RBMS3: variants seen among roughly 807,000 people sequenced by gnomAD.
RBMS3 encodes the protein RNA-binding motif, single-stranded-interacting protein 3.
Under a neutral mutation model 66.8 loss-of-function variants are expected in RBMS3, and 27 were observed. That is an observed-to-expected ratio of 0.40 (90% CI 0.30 to 0.56). The LOEUF (loss-of-function observed/expected upper bound fraction) is 0.56, where lower values mean the gene tolerates loss of function less well. RBMS3 is among the 20% of genes least tolerant of loss of function. The probability of loss-of-function intolerance (pLI) is 0.40; values close to 1 mark genes in which losing one functional copy is unlikely to be tolerated. For missense variants in RBMS3, 513 were observed against 549.5 expected, an observed-to-expected ratio of 0.93 and a Z score of 0.66; for synonymous variants, 188 against 183.0, an observed-to-expected ratio of 1.03 and a Z score of -0.22.
At position 29,837,428 on chromosome 3, in the gene RBMS3, G is replaced by C. The variant is rs2058541083; in HGVS notation, c.638-31430G>C. Among the ~76,000 whole-genome samples, 5 of 151,172 alleles carry C rather than the reference G, an allele frequency of 3.3e-5. No homozygotes were observed. In the South Asian group the frequency reaches 8.4e-4, roughly 25 times the overall value. ...GTTATACATTTAGAACATTTAATCT[G>C]GATTTTTGTACCATTCAGTAAAAGT... On this transcript the variant is annotated intron_variant, in intron 6 of 14. Transcript: ENST00000383767.
intron 6 of RBMS3, among the ~76,000 whole-genome samples, chr3:29,827,743 A>G (rs941904171): frequency 6.6e-6 from 1 of 152,200 alleles, no homozygotes; most frequent in Non-Finnish European, 1.5e-5. Context: ...GGAACAAGTA[A>G]GTTACCTAAG....
chr3:29,793,675 T>A (rs1395709086), intron 6 of RBMS3, among the ~76,000 whole-genome samples: 1 of 152,270 alleles, frequency 6.6e-6, no homozygotes, highest in Non-Finnish European at 1.5e-5. Context: ...GGTAATCAGA[T>A]GAGAATCATG....
intron 6 of RBMS3, among the ~76,000 whole-genome samples, chr3:29,837,315 G>A (rs1452422023): frequency 6.6e-6 from 1 of 151,700 alleles, no homozygotes; most frequent in Non-Finnish European, 1.5e-5. Flanking sequence ...AACCTTATAC[G>A]TAGTCTAGTT....
chr3:29,837,663 CATATATATATATATATATATAT>C lies in RBMS3; in HGVS notation c.638-31172_638-31151del, dbSNP rs3070797. Among the ~76,000 whole-genome samples, 225 of 67,666 alleles carry C rather than the reference CATATATATATATATATATATAT, an allele frequency of 3.3e-3. 1 individual carries two copies. Among genetic ancestry groups the C allele is most frequent in the African/African-American group, 0.01 (187 of 18,652 alleles). The allele number at this position is 67,666 out of a possible 152,430, so 44.4% of individuals were successfully genotyped here. ...ATAATGAACATATATATATAATGAA[CATATATATATATATATATATAT>C]ATATATATATATATATATATATGCT... On this transcript the variant is annotated intron_variant, in intron 6 of 14. Transcript: ENST00000383767.
intron 12 of RBMS3, among the ~76,000 whole-genome samples, chr3:29,945,394 C>T (rs970147281): frequency 6.6e-6 from 1 of 151,526 alleles, no homozygotes; most frequent in Non-Finnish European, 1.5e-5. Flanking sequence ...TAATAATGTC[C>T]CATTGAGGAA....
chr3:29,343,454 T>C (rs1257055254), intron 1 of RBMS3, among the ~76,000 whole-genome samples: 1 of 152,106 alleles, frequency 6.6e-6, no homozygotes, highest in Non-Finnish European at 1.5e-5. Flanking sequence ...AAAATAAACT[T>C]GCTACTTGAA....
chr3:29,474,680 G>T (rs529427358), intron 2 of RBMS3, among the ~76,000 whole-genome samples: 112 of 152,318 alleles, frequency 7.4e-4, no homozygotes, highest in African/African-American at 2.6e-3. Flanking sequence ...ATATAGTAGG[G>T]ACAGTGCTAC....
At chr3:29,486,913 A>G (rs998653448) in intron 2 of RBMS3, among the ~76,000 whole-genome samples, 1 of 152,056 alleles carries the variant, frequency 6.6e-6, no homozygotes, top group South Asian at 2.1e-4. Flanking sequence ...GTTATACCTG[A>G]TCTAATTTTT....
At chr3:29,673,899 T>G (rs538653429) in intron 4 of RBMS3, among the ~76,000 whole-genome samples, 1 of 152,286 alleles carries the variant, frequency 6.6e-6, no homozygotes, top group African/African-American at 2.4e-5. Context: ...CCTAACTCAT[T>G]TTATGAGGCC....
At position 29,928,233 on chromosome 3, in the gene RBMS3, CACAT is replaced by C. The variant is rs1174003868; in HGVS notation, c.940-7851_940-7848del. ...ATATACACACACACACACACACACA[CACAT>C]ATATATGTATATATGCATACATATA... On this transcript the variant is annotated intron_variant, in intron 10 of 14. Coordinates refer to ENST00000383767, the MANE Select transcript of RBMS3 (RefSeq NM_001003793.3). Among the ~76,000 whole-genome samples the C allele has an allele frequency of 3.7e-4, 53 of 144,498 alleles. 1 individual carries two copies. The Middle Eastern group carries it at 0.011, about 30-fold the overall frequency. 94.8% of individuals were successfully genotyped at this position (144,498 alleles called of 152,430 possible).
At chr3:29,545,503 T>C (rs1482919028) in intron 3 of RBMS3, among the ~76,000 whole-genome samples, 1 of 152,168 alleles carries the variant, frequency 6.6e-6, no homozygotes, top group Non-Finnish European at 1.5e-5. Context: ...TCTTACATGT[T>C]GTTAATTTAG....
Position 29,892,839 on chromosome 3 carries a change from G to GTATT in RBMS3, c.792-4537_792-4536insTTAT, listed in dbSNP as rs1171979340. ...TGTATGTATGTATGTATGTATGTAT[G>GTATT]TATGTATTTATTTATTTATTTATTT... On this transcript the variant is annotated intron_variant, in intron 8 of 14. Transcript: ENST00000383767. Among the ~76,000 whole-genome samples, 336 of 86,716 alleles carry GTATT rather than the reference G, an allele frequency of 3.9e-3. 2 individuals carry two copies. Among genetic ancestry groups the GTATT allele is most frequent in the African/African-American group, 0.014 (282 of 20,346 alleles). The allele number at this position is 86,716 out of a possible 152,430, so 56.9% of individuals were successfully genotyped here. A position where few individuals can be genotyped will look rare whatever the true frequency, so the allele number is the denominator to read the frequency against.
intron 7 of RBMS3, 45 bp from the exon 8 acceptor site, chr3:29,884,116 TA>T: frequency 2.6e-6 from 4 of 1,548,330 alleles, no homozygotes; most frequent in Non-Finnish European, 3.5e-6. Flanking sequence ...GGCACCACAA[TA>T]AAAACGTTAA....
At chr3:29,431,506 T>C (rs759439018) in intron 1 of RBMS3, among the ~76,000 whole-genome samples, 8 of 152,012 alleles carry the variant, frequency 5.3e-5, no homozygotes, top group South Asian at 2.1e-4. Flanking sequence ...TTGGCCAGGA[T>C]GGTCTTGATC....
chr3:29,396,444 G>A (rs2039555358), intron 1 of RBMS3, among the ~76,000 whole-genome samples: 2 of 152,198 alleles, frequency 1.3e-5, no homozygotes, highest in South Asian at 4.2e-4. Context: ...CAAAATTGGA[G>A]TACTAATTCT....
At chr3:29,945,352 T>A (rs1695233203) in intron 12 of RBMS3, among the ~76,000 whole-genome samples, 1 of 151,664 alleles carries the variant, frequency 6.6e-6, no homozygotes, top group African/African-American at 2.4e-5. Flanking sequence ...TTAGTTATGT[T>A]CCTGGCTGAA....
At chr3:29,625,499 G>A (rs557957339) in intron 4 of RBMS3, among the ~76,000 whole-genome samples, 4 of 152,066 alleles carry the variant, frequency 2.6e-5, no homozygotes, top group Admixed American at 2.0e-4. Context: ...TTCGAGACCA[G>A]CCCGACCAAA....
At chr3:29,947,920 T>C (rs1220099271) in intron 12 of RBMS3, among the ~76,000 whole-genome samples, 1 of 151,226 alleles carries the variant, frequency 6.6e-6, no homozygotes, top group African/African-American at 2.4e-5. Flanking sequence ...ATCTGTCCTC[T>C]TTTTCTAAAA....
At chr3:29,302,644 A>C (rs568392614) in intron 1 of RBMS3, among the ~76,000 whole-genome samples, 1 of 152,090 alleles carries the variant, frequency 6.6e-6, no homozygotes, top group Admixed American at 6.6e-5. Context: ...TTTAAAATAT[A>C]TCTAAAGGAA....
Sources: allele counts gnomAD v4.1 joint callset (sites outside exome capture counted in the v4.1 genomes callset), GRCh38; gene constraint gnomAD v4.1.1; transcripts MANE v1.5; gene names NCBI Gene and HGNC (gene_info 2026-07-23, HGNC 2026-07-21).